Variants in ENPEP observed in about 807,000 individuals in gnomAD.
ENPEP encodes the protein glutamyl aminopeptidase.
ENPEP carries 103 observed loss-of-function variants against 114.5 expected under a neutral mutation model. That is an observed-to-expected ratio of 0.90 (90% CI 0.77 to 1.06). The LOEUF is 1.06. Among genes scored for constraint, ENPEP ranks in the 50% least tolerant of loss-of-function variants. ENPEP has a pLI of 0.00. For missense variants in ENPEP, 1,196 were observed against 1,161.3 expected (o/e 1.03, Z -0.43); for synonymous variants, 420 against 422.0 (o/e 1.00, Z 0.06).
At position 110,497,300 on chromosome 4, in the gene ENPEP, G is replaced by GT. The variant is rs543676298; in HGVS notation, c.918+6144dup. Among the ~76,000 whole-genome samples the GT allele has an allele frequency of 6.8e-3, 1,029 of 151,902 alleles. 10 individuals are homozygous for GT. Among genetic ancestry groups the GT allele is most frequent in the African/African-American group, 0.023 (964 of 41,432 alleles). ...TTTGATTTCTAGAACATTTTAATTA[G>GT]TTTTTTTTAATTAATTTCTTTACTG... On this transcript the variant is annotated intron_variant, in intron 3 of 19. Coordinates refer to ENST00000265162, the MANE Select transcript of ENPEP (RefSeq NM_001977.4).
chr4:110,498,225 T>C (rs1725016662), intron 3 of ENPEP, among the ~76,000 whole-genome samples: 1 of 152,158 alleles, frequency 6.6e-6, no homozygotes, highest in East Asian at 1.9e-4. Context: ...CCCAAGTGTG[T>C]TTTCAGGTCT....
At position 110,561,559 on chromosome 4, in the gene ENPEP, T is replaced by C. The variant is rs1404133040; in HGVS notation, c.*1T>C. On this transcript the variant is annotated 3_prime_UTR_variant, in exon 20 of 20. Transcript: ENST00000265162. ...TTTTAATTTACTTGAGAGTGGTTAATGTATTCAAATGTTAGAGTTTAATTT... is the reference window on the plus strand; with the variant it reads ...TTTTAATTTACTTGAGAGTGGTTAACGTATTCAAATGTTAGAGTTTAATTT... 6.2e-7 allele frequency: 1 copy of C among 1,605,414 alleles called. No individual in the cohort carries two copies. The highest frequency in any genetic ancestry group is 8.5e-7 in the Non-Finnish European group (1 of 1,177,506).
rs1041270520 is a variant in ENPEP at position 110,476,181 on chromosome 4, CCT to C, written c.-231_-230del. 24 of 467,250 alleles carry C rather than the reference CCT, an allele frequency of 5.1e-5. No individual in the cohort carries two copies. Among genetic ancestry groups the C allele is most frequent in the African/African-American group, 4.6e-4 (24 of 51,846 alleles). The allele number at this position is 467,250 out of a possible 1,614,324, so 28.9% of individuals were successfully genotyped here. A position where few individuals can be genotyped will look rare whatever the true frequency, so the allele number is the denominator to read the frequency against. ...CCAGCCCTCTTCCTCCCACTCGGCT[CCT>C]CTTACGGAGTCCTCATTCCACCCCC... On this transcript the variant is annotated 5_prime_UTR_variant, in exon 1 of 20. Coordinates refer to ENST00000265162, the MANE Select transcript of ENPEP (RefSeq NM_001977.4).
At chr4:110,538,014 G>A (rs551795392) in intron 11 of ENPEP, among the ~76,000 whole-genome samples, 41 of 152,286 alleles carry the variant, frequency 2.7e-4, no homozygotes, top group African/African-American at 9.4e-4. Context: ...AGGCTTTGTT[G>A]TTCCATTTAT....
chr4:110,537,250 C>T (rs899160639), intron 11 of ENPEP, among the ~76,000 whole-genome samples: 1 of 152,098 alleles, frequency 6.6e-6, no homozygotes, highest in East Asian at 1.9e-4. Context: ...TTGAAGCATG[C>T]GATGCTGTTT....
chr4:110,524,486 C>T (rs183315858), intron 10 of ENPEP, among the ~76,000 whole-genome samples: 6 of 152,100 alleles, frequency 3.9e-5, no homozygotes, highest in East Asian at 1.9e-4. Flanking sequence ...AAAATTTTAC[C>T]GAATTCATTT....
Position 110,559,807 on chromosome 4 carries a change from G to A in ENPEP, c.2721+82G>A. ...AAAAAAAATTTTACTTTAAGTTCTG[G>A]AATACATGTGCAGAATGTGCAGGTT... On this transcript the variant is annotated intron_variant, in intron 19 of 19. Transcript: ENST00000265162. 2 of 1,086,450 alleles carry A rather than the reference G, an allele frequency of 1.8e-6. 1 individual carries two copies. Among genetic ancestry groups the A allele is most frequent in the Non-Finnish European group, 2.8e-6 (2 of 723,692 alleles). 67.3% of individuals were successfully genotyped at this position (1,086,450 alleles called of 1,614,324 possible).
chr4:110,510,885 C>T (rs6813802), intron 6 of ENPEP, among the ~76,000 whole-genome samples: 84,465 of 151,884 alleles, frequency 0.56, 23,655 homozygotes, highest in East Asian at 0.68. Flanking sequence ...TCCATTTTCT[C>T]CTTTATGAAA....
At chr4:110,519,898 G>T in intron 8 of ENPEP, 110 bp from the exon 9 acceptor site, 1 of 841,108 alleles carries the variant, frequency 1.2e-6, no homozygotes, top group Non-Finnish European at 1.9e-6. Flanking sequence ...ATCTATGGCT[G>T]GTTTTGCGCA....
chr4:110,514,513 A>G (rs1396448519), intron 7 of ENPEP, among the ~76,000 whole-genome samples: 1 of 151,996 alleles, frequency 6.6e-6, no homozygotes, highest in Non-Finnish European at 1.5e-5. Context: ...CTTATAGCCT[A>G]TTCTAATTAT....
intron 19 of ENPEP, among the ~76,000 whole-genome samples, chr4:110,560,413 T>C (rs1727638242): frequency 6.6e-6 from 1 of 152,262 alleles, no homozygotes; most frequent in African/African-American, 2.4e-5. Context: ...TTTGTATTTT[T>C]AAATTGTATA....
chr4:110,485,324 G>T (rs1178832088), intron 1 of ENPEP, among the ~76,000 whole-genome samples: 1 of 152,040 alleles, frequency 6.6e-6, no homozygotes, highest in African/African-American at 2.4e-5. Flanking sequence ...CAGACTCATA[G>T]GAAAGTTATA....
intron 11 of ENPEP, among the ~76,000 whole-genome samples, chr4:110,539,920 G>A (rs948263193): frequency 1.3e-5 from 2 of 151,944 alleles, no homozygotes; most frequent in African/African-American, 4.8e-5. Flanking sequence ...TGTTACCTGT[G>A]CTCTGTTACT....
At chr4:110,501,356 G>A (rs1284313511) in intron 3 of ENPEP, among the ~76,000 whole-genome samples, 1 of 152,100 alleles carries the variant, frequency 6.6e-6, no homozygotes, top group Non-Finnish European at 1.5e-5. Context: ...TGTCATAGGG[G>A]TTTGGTGTAC....
rs541947935 is a variant in ENPEP, at chr4:110,498,741, A to G, written c.918+7577A>G. Among the ~76,000 whole-genome samples the G allele has an allele frequency of 5.9e-5, 9 of 152,236 alleles. No homozygotes were observed. The East Asian group carries it at 1.7e-3, about 29-fold the overall frequency. On this transcript the variant is annotated intron_variant, in intron 3 of 19. Transcript: ENST00000265162. ...GGTAACGGGCAGTCTGTTTAAGCTG[A>G]TTCTTTTCTGTTCCATGGTCTTTCC...
chr4:110,544,416 T>G (rs1726972552), intron 13 of ENPEP, among the ~76,000 whole-genome samples: 1 of 152,116 alleles, frequency 6.6e-6, no homozygotes, highest in Admixed American at 6.6e-5. Context: ...ACACTCGTTT[T>G]GTAGCTAATA....
At chr4:110,557,197 C>T (rs1438952207) in intron 18 of ENPEP, among the ~76,000 whole-genome samples, 2 of 152,120 alleles carry the variant, frequency 1.3e-5, no homozygotes, top group African/African-American at 2.4e-5. Context: ...ACAGTGGAAA[C>T]TGAAAGACAT....
rs569011708 is a variant in ENPEP, at chr4:110,513,662, A to C, written c.1443+113A>C. ...ACTGTGCCAGTGAGCTTTGGAAAAC[A>C]GTGTAGAAGTTATTCTGAGTGCTGA... is the stretch of plus-strand genomic sequence containing the variant. On this transcript the variant is annotated intron_variant, in intron 7 of 19. Coordinates refer to ENST00000265162, the MANE Select transcript of ENPEP (RefSeq NM_001977.4). 16 of 1,314,344 alleles carry C rather than the reference A, an allele frequency of 1.2e-5. No individual in the cohort carries two copies. In the South Asian group the frequency reaches 2.3e-4, roughly 19 times the overall value. 81.4% of individuals were successfully genotyped at this position (1,314,344 alleles called of 1,614,324 possible).
Position 110,561,399 on chromosome 4 carries a change from T to C in ENPEP, c.2722-7T>C, listed in dbSNP as rs201179739. 4 of 1,613,280 alleles carry C rather than the reference T, an allele frequency of 2.5e-6. No homozygotes were observed. The African/African-American group carries it at 4.0e-5, about 16-fold the overall frequency. ...GACAATCCTAATTACTCCCCTCTCT[T>C]TTCTAGATGGAGAGCTTTTTTGCAA... is the stretch of plus-strand genomic sequence containing the variant. On this transcript the variant is annotated splice_polypyrimidine_tract_variant and splice_region_variant and intron_variant, in intron 19 of 19. Transcript: ENST00000265162.
Sources: allele counts gnomAD v4.1 joint callset (sites outside exome capture counted in the v4.1 genomes callset), GRCh38; gene constraint gnomAD v4.1.1; transcripts MANE v1.5; gene names NCBI Gene and HGNC (gene_info 2026-07-23, HGNC 2026-07-21).